AP1G1: variants seen among roughly 807,000 people sequenced by gnomAD.
AP1G1 encodes AP-1 complex subunit gamma-1.
A neutral mutation model predicts 108.3 loss-of-function variants in AP1G1; 7 were observed. The observed-to-expected ratio is 0.06, with a 90% CI of 0.04 to 0.12. The LOEUF (loss-of-function observed/expected upper bound fraction) is 0.12, where lower values mean the gene tolerates loss of function less well. Ranked by LOEUF, AP1G1 falls within the 10% of genes least tolerant of loss-of-function variation. The probability of loss-of-function intolerance (pLI) is 1.00; values close to 1 mark genes in which losing one functional copy is unlikely to be tolerated. For synonymous variants in AP1G1, 379 were observed against 353.5 expected, an observed-to-expected ratio of 1.07 and a Z score of -0.81; for missense variants, 756 against 1,010.7, an observed-to-expected ratio of 0.75 and a Z score of 3.42.
At chr16:71,743,263 G>A (rs2029963971) in intron 19 of AP1G1, 2 of 151,482 alleles carry the variant, frequency 1.3e-5, no homozygotes, top group Admixed American at 1.3e-4. Flanking sequence ...TTAAGACACA[G>A]ACATAAATCC....
At chr16:71,802,665 G>A (rs752293715) in intron 1 of AP1G1, among the ~76,000 whole-genome samples, 6 of 152,004 alleles carry the variant, frequency 3.9e-5, no homozygotes, top group Non-Finnish European at 8.8e-5. Context: ...AGGAGGCGGA[G>A]GTTGAGGTGA....
intron 1 of AP1G1, chr16:71,808,016 C>G (rs1270558216): frequency 1.7e-6 from 2 of 1,205,028 alleles, no homozygotes; most frequent in African/African-American, 3.2e-5. Context: ...AAACATTACC[C>G]TGAGCGAGTG....
Position 71,756,129 on chromosome 16 carries a change from T to C in AP1G1, c.1119A>G (p.Val373=), listed in dbSNP as rs34113755. The change falls in exon 12 of 23, where the codon GTA becomes GTG. Residue 373 remains valine, a synonymous_variant. Coordinates refer to ENST00000299980, the MANE Select transcript of AP1G1 (RefSeq NM_001128.6). ...TCATGCCTCGGATATTATTCCCATT[T>C]ACCAGGGCAAAACTCAATTCCATTG... ...RRAMELSFAL[V]NGNNIRGMMK... is the part of the protein sequence containing the mutation. 11,386 of 1,613,624 alleles carry C rather than the reference T, an allele frequency of 7.1e-3. 712 individuals are homozygous for C. The African/African-American group carries it at 0.13, about 19-fold the overall frequency.
Position 71,732,467 on chromosome 16 carries a change from T to C in AP1G1, c.*591A>G, listed in dbSNP as rs548269158. 2.0e-5 allele frequency: 3 copies of C among 153,298 alleles called. No individual in the cohort carries two copies. Among genetic ancestry groups the C allele is most frequent in the African/African-American group, 7.2e-5 (3 of 41,556 alleles). 9.5% of individuals were successfully genotyped at this position (153,298 alleles called of 1,614,324 possible). ...GTGTGTGTCTGTGTGTATACAGCAA[T>C]GCACAGAAAAGGCTACCAGGAGCCT... On this transcript the variant is annotated 3_prime_UTR_variant, in exon 23 of 23. Coordinates refer to ENST00000299980, the MANE Select transcript of AP1G1 (RefSeq NM_001128.6).
intron 1 of AP1G1, chr16:71,808,038 CTCCTACA>C: frequency 3.1e-5 from 37 of 1,196,138 alleles, no homozygotes; most frequent in Non-Finnish European, 3.9e-5. Context: ...TTCGATGGAT[CTCCTACA>C]CCGAGTCCTA....
chr16:71,739,971 A>G (rs2045598390), intron 19 of AP1G1, among the ~76,000 whole-genome samples: 1 of 152,218 alleles, frequency 6.6e-6, no homozygotes, highest in Non-Finnish European at 1.5e-5. Flanking sequence ...TTTACCAGTA[A>G]TGATGGAAGT....
At chr16:71,789,216 G>C in intron 2 of AP1G1, 63 bp downstream of exon 2, 1 of 1,465,672 alleles carries the variant, frequency 6.8e-7, no homozygotes, top group Non-Finnish European at 9.4e-7. Flanking sequence ...GAAAAAGATG[G>C]ACAATCCCTG....
intron 21 of AP1G1, among the ~76,000 whole-genome samples, chr16:71,737,466 G>A (rs1314243773): frequency 6.6e-6 from 1 of 152,066 alleles, no homozygotes; most frequent in East Asian, 1.9e-4. Flanking sequence ...TGTATTTTTG[G>A]TAAAGATGGT....
intron 10 of AP1G1, among the ~76,000 whole-genome samples, chr16:71,760,943 A>G (rs1282630028): frequency 1.3e-5 from 2 of 152,234 alleles, no homozygotes; most frequent in African/African-American, 4.8e-5. Context: ...TAACAAAATA[A>G]AAGATAATAC....
intron 1 of AP1G1, among the ~76,000 whole-genome samples, chr16:71,799,109 CT>C (rs990242782): frequency 7.2e-5 from 11 of 152,000 alleles, no homozygotes; most frequent in African/African-American, 2.7e-4. Flanking sequence ...TTAAGACAAA[CT>C]GCATGACCCA....
chr16:71,793,442 G>C (rs2032474358), intron 1 of AP1G1, among the ~76,000 whole-genome samples: 1 of 151,974 alleles, frequency 6.6e-6, no homozygotes, highest in Non-Finnish European at 1.5e-5. Context: ...GTGGACCCAG[G>C]AGATAGAAAC....
chr16:71,739,970 A>G (rs1398603343), intron 19 of AP1G1, among the ~76,000 whole-genome samples: 1 of 152,194 alleles, frequency 6.6e-6, no homozygotes, highest in African/African-American at 2.4e-5. Flanking sequence ...TTTTACCAGT[A>G]ATGATGGAAG....
At chr16:71,800,516 C>G (rs1205596198) in intron 1 of AP1G1, among the ~76,000 whole-genome samples, 3 of 151,022 alleles carry the variant, frequency 2.0e-5, no homozygotes, top group Non-Finnish European at 2.9e-5. Context: ...ACCCCCCCGT[C>G]TCGGGTCGGG....
chr16:71,753,594 C>G (rs541394125), intron 13 of AP1G1: 141 of 496,860 alleles, frequency 2.8e-4, no homozygotes, highest in Non-Finnish European at 4.2e-4. Flanking sequence ...TCTGAGAGAC[C>G]TCCCTGACTA....
In AP1G1 at chr16:71,738,945, T is replaced by C. The variant is rs780956795; in HGVS notation, c.2265A>G (p.Pro755=). 1.2e-6 allele frequency: 2 copies of C among 1,613,228 alleles called. No individual in the cohort carries two copies. Among genetic ancestry groups the C allele is most frequent in the Non-Finnish European group, 8.5e-7 (1 of 1,179,432 alleles). ...MTDFVFQAAV[P]KTFQLQLLSP... ...TCTAAAGAAGACATTGTAGTACCTT[T>C]GGTACTGCAGCTTGGAAAACAAAGT... Residue 755 remains proline (P), a synonymous_variant, in exon 21 of 23, where the codon CCA becomes CCG. Transcript: ENST00000299980.
chr16:71,803,789 G>C lies in AP1G1; in HGVS notation c.-4+4974C>G, dbSNP rs144050523. Among the ~76,000 whole-genome samples the C allele has an allele frequency of 2.0e-3, 301 of 152,008 alleles. 3 individuals are homozygous for C. Among genetic ancestry groups the C allele is most frequent in the African/African-American group, 6.8e-3 (284 of 41,482 alleles). On this transcript the variant is annotated intron_variant, in intron 1 of 22. Transcript: ENST00000299980. The stretch of plus-strand genomic sequence containing the variant: ...AAAATACAAAAATTAGCTAGGCATG[G>C]TGGCGCACACCTGTAGTCCCAGCTA...
At chr16:71,784,245 A>G (rs2032122833) in intron 2 of AP1G1, among the ~76,000 whole-genome samples, 1 of 152,212 alleles carries the variant, frequency 6.6e-6, no homozygotes, top group Non-Finnish European at 1.5e-5. Context: ...AGGCATTAAG[A>G]TTGTCCCCAT....
chr16:71,803,107 C>A (rs376523289), intron 1 of AP1G1, among the ~76,000 whole-genome samples: 4 of 151,214 alleles, frequency 2.6e-5, no homozygotes, highest in South Asian at 4.2e-4. Flanking sequence ...CCCAGCTACT[C>A]GGGAGGCTGA....
At chr16:71,803,855 C>T (rs928865903) in intron 1 of AP1G1, among the ~76,000 whole-genome samples, 5 of 139,176 alleles carry the variant, frequency 3.6e-5, no homozygotes, top group East Asian at 2.3e-4. Flanking sequence ...AACCAGGGGG[C>T]GGAGGTTGCA....
Sources: allele counts gnomAD v4.1 joint callset (sites outside exome capture counted in the v4.1 genomes callset), GRCh38; gene constraint gnomAD v4.1.1; transcripts MANE v1.5; gene names NCBI Gene and HGNC (gene_info 2026-07-23, HGNC 2026-07-21).